ADCY8: variants seen among roughly 807,000 people sequenced by gnomAD.
ADCY8 encodes the protein adenylate cyclase type 8.
In ADCY8, 51 loss-of-function variants were observed where a neutral mutation model predicts 119.7. The observed-to-expected ratio is 0.43, with a 90% CI of 0.34 to 0.54. The LOEUF (loss-of-function observed/expected upper bound fraction) is 0.54, where lower values mean the gene tolerates loss of function less well. Among genes scored for constraint, ADCY8 ranks in the 20% least tolerant of loss-of-function variants. The probability of loss-of-function intolerance (pLI) is 0.03; values close to 1 mark genes in which losing one functional copy is unlikely to be tolerated. For missense variants in ADCY8, 1,383 were observed against 1,598.8 expected (o/e 0.87, Z 2.30); for synonymous variants, 665 against 651.0 (o/e 1.02, Z -0.33).
chr8:131,040,543 C>G lies in ADCY8; in HGVS notation c.-210G>C. On this transcript the variant is annotated 5_prime_UTR_variant, in exon 1 of 18. Transcript: ENST00000286355. The stretch of plus-strand genomic sequence containing the variant: ...GGGCACCTGGAAGATCGCGGCGGAC[C>G]TCGGCGTCCTTGCGTGCTGCTCTCC... The G allele has an allele frequency of 2.1e-6, 1 of 470,898 alleles. No individual in the cohort carries two copies. The highest frequency in any genetic ancestry group is 4.2e-5 in the Admixed American group (1 of 23,670). 29.2% of individuals were successfully genotyped at this position (470,898 alleles called of 1,614,324 possible). A position where few individuals can be genotyped will look rare whatever the true frequency, so the allele number is the denominator to read the frequency against.
chr8:130,864,727 A>C lies in ADCY8; in HGVS notation c.2210+3119T>G, dbSNP rs548283889. Among the ~76,000 whole-genome samples the C allele has an allele frequency of 3.7e-4, 56 of 151,978 alleles. No individual in the cohort carries two copies. In the East Asian group the frequency reaches 8.9e-3, roughly 24 times the overall value. ...CTTTTATTTCCTTTGATTTTCTTAGAGTTTCCATCTCTCTGTTTATATTGC... is the reference window on the plus strand; with the variant it reads ...CTTTTATTTCCTTTGATTTTCTTAGCGTTTCCATCTCTCTGTTTATATTGC... On this transcript the variant is annotated intron_variant, in intron 9 of 17. Transcript: ENST00000286355.
intron 11 of ADCY8, among the ~76,000 whole-genome samples, chr8:130,842,516 A>G (rs570039847): frequency 2.0e-5 from 3 of 152,088 alleles, no homozygotes; most frequent in South Asian, 4.2e-4. Context: ...TTGCTATGTT[A>G]TCAGTTTCAC....
rs1235811377 is a variant in ADCY8 at position 131,000,643 on chromosome 8, G to A, written c.961-10101C>T. Among the ~76,000 whole-genome samples the A allele has an allele frequency of 3.3e-5, 5 of 152,202 alleles. No individual in the cohort carries two copies. In the East Asian group the frequency reaches 7.8e-4, roughly 24 times the overall value. On this transcript the variant is annotated intron_variant, in intron 1 of 17. Transcript: ENST00000286355. Reference sequence around the variant, plus strand: ...GAATGACGCAAGTGGTAAAGCTGAGGTGTGATCCCTGGTAATGGGAGCCAG... The same window carrying A: ...GAATGACGCAAGTGGTAAAGCTGAGATGTGATCCCTGGTAATGGGAGCCAG...
intron 3 of ADCY8, 56 bp from the exon 4 acceptor site, chr8:130,943,518 C>T (rs750886512): frequency 1.8e-6 from 2 of 1,091,372 alleles, no homozygotes; most frequent in Non-Finnish European, 2.8e-6. Context: ...ATATTTTAGT[C>T]CATCTTGGGA....
Position 130,873,898 on chromosome 8 carries a change from A to G in ADCY8, c.2110-5952T>C, listed in dbSNP as rs552651912. 4.6e-5 allele frequency among the ~76,000 whole-genome samples: 7 copies of G among 152,280 alleles called. No individual in the cohort carries two copies. In the South Asian group the frequency reaches 1.5e-3, roughly 32 times the overall value. On this transcript the variant is annotated intron_variant, in intron 8 of 17. Coordinates refer to ENST00000286355, the MANE Select transcript of ADCY8 (RefSeq NM_001115.3). Reference sequence around the variant, plus strand: ...TATATTAATATAGTTGTAAAAGAAAATTCTCAACTGGGATAACCTGTTCAT... The same window carrying G: ...TATATTAATATAGTTGTAAAAGAAAGTTCTCAACTGGGATAACCTGTTCAT...
chr8:131,005,529 TA>T (rs1378499554), intron 1 of ADCY8, among the ~76,000 whole-genome samples: 1 of 152,198 alleles, frequency 6.6e-6, no homozygotes, highest in African/African-American at 2.4e-5. Context: ...CTTTGGCCTC[TA>T]AAAAACTGCC....
intron 2 of ADCY8, among the ~76,000 whole-genome samples, chr8:130,958,604 A>C (rs1041086913): frequency 6.6e-6 from 1 of 152,236 alleles, no homozygotes; most frequent in African/African-American, 2.4e-5. Context: ...GGCAGCAGGC[A>C]AGAGAGGCTT....
chr8:131,032,601 G>A (rs1015310971), intron 1 of ADCY8, among the ~76,000 whole-genome samples: 1 of 152,024 alleles, frequency 6.6e-6, no homozygotes, highest in Admixed American at 6.6e-5. Flanking sequence ...GGCCTCCTGT[G>A]GAATGTCTGG....
At chr8:131,030,003 T>C (rs903072313) in intron 1 of ADCY8, among the ~76,000 whole-genome samples, 7 of 152,300 alleles carry the variant, frequency 4.6e-5, no homozygotes, top group Admixed American at 3.3e-4. Flanking sequence ...ATGGATAAGA[T>C]ACAATTCTTG....
intron 1 of ADCY8, among the ~76,000 whole-genome samples, chr8:130,992,194 C>T (rs1433933926): frequency 1.3e-5 from 2 of 150,038 alleles, no homozygotes; most frequent in South Asian, 2.1e-4. Context: ...ATTCTCCTGC[C>T]TCAGCCTCCT....
chr8:130,850,587 T>G (rs1387475925), intron 9 of ADCY8, among the ~76,000 whole-genome samples: 1 of 152,160 alleles, frequency 6.6e-6, no homozygotes, highest in Non-Finnish European at 1.5e-5. Flanking sequence ...CACTGGCAGC[T>G]CTAATTTTTC....
rs1817677157 is a variant in ADCY8 at position 130,855,054 on chromosome 8, A to T, written c.2211-5251T>A. Among the ~76,000 whole-genome samples the T allele has an allele frequency of 3.3e-5, 5 of 151,380 alleles. No individual in the cohort carries two copies. In the South Asian group the frequency reaches 1.0e-3, roughly 32 times the overall value. Reference sequence around the variant, plus strand: ...TCGTTTACCCTTCTTGGAGAGGAACATCTGTGGGCATGTGGAAATTAAAGG... The same window carrying T: ...TCGTTTACCCTTCTTGGAGAGGAACTTCTGTGGGCATGTGGAAATTAAAGG... On this transcript the variant is annotated intron_variant, in intron 9 of 17. Coordinates refer to ENST00000286355, the MANE Select transcript of ADCY8 (RefSeq NM_001115.3).
Position 131,040,901 on chromosome 8 carries a change from C to A in ADCY8, c.-568G>T, listed in dbSNP as rs1005310649. 6.6e-6 allele frequency: 1 copy of A among 152,024 alleles called. No homozygotes were observed. Among genetic ancestry groups the A allele is most frequent in the South Asian group, 2.1e-4 (1 of 4,802 alleles). The allele number at this position is 152,024 out of a possible 1,614,324, so 9.4% of individuals were successfully genotyped here. On this transcript the variant is annotated 5_prime_UTR_variant, in exon 1 of 18. Transcript: ENST00000286355. ...CATCGCCCTTCGGAGAACTCCATTGCGCCGGGATGGGGAGCAGGGGCGGAG... is the reference window on the plus strand; with the variant it reads ...CATCGCCCTTCGGAGAACTCCATTGAGCCGGGATGGGGAGCAGGGGCGGAG...
intron 5 of ADCY8, among the ~76,000 whole-genome samples, chr8:130,920,593 T>C (rs2130580021): frequency 6.6e-6 from 1 of 152,358 alleles, no homozygotes; most frequent in Non-Finnish European, 1.5e-5. Context: ...CATCTCCATA[T>C]ATTCTAACTC....
At chr8:130,835,922 G>T (rs1411935756) in intron 12 of ADCY8, among the ~76,000 whole-genome samples, 2 of 152,112 alleles carry the variant, frequency 1.3e-5, no homozygotes, top group Non-Finnish European at 2.9e-5. Flanking sequence ...GAGCATGAGG[G>T]CTTAATACAC....
intron 12 of ADCY8, among the ~76,000 whole-genome samples, chr8:130,821,929 G>T (rs1447706053): frequency 1.3e-5 from 2 of 152,154 alleles, no homozygotes; most frequent in African/African-American, 4.8e-5. Context: ...TGTGGGCTGG[G>T]ACAAGAGTCA....
At chr8:130,911,616 A>T (rs1003990306) in intron 5 of ADCY8, among the ~76,000 whole-genome samples, 2 of 146,480 alleles carry the variant, frequency 1.4e-5, no homozygotes, top group Non-Finnish European at 3.0e-5. Context: ...TTTAAATTTT[A>T]AATTTGTAAT....
At chr8:130,954,711 C>T (rs1240114582) in intron 2 of ADCY8, among the ~76,000 whole-genome samples, 1 of 152,174 alleles carries the variant, frequency 6.6e-6, no homozygotes, top group Admixed American at 6.5e-5. Context: ...GATTACCTAG[C>T]AACATGAGCA....
chr8:131,029,343 C>T (rs1184054579), intron 1 of ADCY8, among the ~76,000 whole-genome samples: 1 of 152,166 alleles, frequency 6.6e-6, no homozygotes, highest in African/African-American at 2.4e-5. Context: ...ATGTAAAGCT[C>T]TTGGATCCTC....
Sources: gnomAD v4.1 joint callset for allele counts (sites outside exome capture counted in the v4.1 genomes callset) on GRCh38, gnomAD v4.1.1 for gene constraint, MANE v1.5 for transcripts, NCBI Gene and HGNC (gene_info 2026-07-23, HGNC 2026-07-21) for gene names.